The following SUPT20H variants were observed in gnomAD, a reference collection of about 807,000 sequenced individuals.
SUPT20H encodes transcription factor SPT20 homolog.
In SUPT20H, 82 loss-of-function variants were observed where a neutral mutation model predicts 122.8. That is an observed-to-expected ratio of 0.67 (90% CI 0.56 to 0.80). SUPT20H has a LOEUF of 0.80. SUPT20H is among the 30% of genes least tolerant of loss of function. The probability of loss-of-function intolerance (pLI) is 0.00; values close to 1 mark genes in which losing one functional copy is unlikely to be tolerated. For missense variants in SUPT20H, 831 were observed against 921.6 expected, an observed-to-expected ratio of 0.90 and a Z score of 1.27; for synonymous variants, 291 against 313.0, an observed-to-expected ratio of 0.93 and a Z score of 0.74.
rs753757829 is a variant in SUPT20H, at chr13:37,012,319, G to T, written c.1993-22C>A. On this transcript the variant is annotated intron_variant, in intron 23 of 25. Coordinates refer to ENST00000350612, the MANE Select transcript of SUPT20H (RefSeq NM_001014286.3). ...AACCCTGAATAAAAAAATAATAAAT[G>T]ACTTGTACAAGAAAGAAAAACAAAT... 4.4e-6 allele frequency: 7 copies of T among 1,587,996 alleles called. No individual in the cohort carries two copies. The Admixed American group carries it at 8.6e-5, about 20-fold the overall frequency.
intron 19 of SUPT20H, 164 bp downstream of exon 19, chr13:37,023,871 C>T: frequency 1.7e-6 from 1 of 589,396 alleles, no homozygotes; most frequent in South Asian, 3.0e-5. Context: ...AGACATAATA[C>T]ATACAATCAA....
In SUPT20H at chr13:37,048,394, T is replaced by C. The variant is rs112686680; in HGVS notation, c.39+170A>G. ...TATCTTGAGGATTCCAAGTAACAGG[T>C]GATCCAAATATCACCTGGTATTTTT... On this transcript the variant is annotated intron_variant, in intron 3 of 25. Coordinates refer to ENST00000350612, the MANE Select transcript of SUPT20H (RefSeq NM_001014286.3). Among the ~76,000 whole-genome samples, 346 of 151,226 alleles carry C rather than the reference T, an allele frequency of 2.3e-3. 2 individuals carry two copies. The highest frequency in any genetic ancestry group is 7.9e-3 in the African/African-American group (327 of 41,188).
intron 14 of SUPT20H, 81 bp downstream of exon 14, chr13:37,028,067 A>G (rs2062629344): frequency 2.3e-6 from 3 of 1,298,020 alleles, no homozygotes; most frequent in Middle Eastern, 2.5e-4. Flanking sequence ...TTTATTCATT[A>G]ATGGTTCATC....
chr13:37,038,594 A>G (rs2064925238), intron 9 of SUPT20H: 1 of 152,248 alleles, frequency 6.6e-6, no homozygotes, highest in Non-Finnish European at 1.5e-5. Context: ...CACAGAAAGG[A>G]TAACTACCAT....
At chr13:37,016,046 T>C (rs1029732678) in intron 23 of SUPT20H, among the ~76,000 whole-genome samples, 1 of 152,196 alleles carries the variant, frequency 6.6e-6, no homozygotes, top group Non-Finnish European at 1.5e-5. Context: ...AGTTTCAGTT[T>C]TGCAAGATGA....
intron 17 of SUPT20H, 186 bp downstream of exon 17, chr13:37,025,134 G>A: frequency 2.0e-6 from 1 of 504,730 alleles, no homozygotes; most frequent in Non-Finnish European, 3.7e-6. Context: ...TAGAGATGGG[G>A]TTTCACACTA....
chr13:37,039,249 A>G (rs1208922036), intron 9 of SUPT20H: 1 of 152,218 alleles, frequency 6.6e-6, no homozygotes, highest in African/African-American at 2.4e-5. Context: ...AAACCACTGC[A>G]TCCCGATCAG....
At chr13:37,050,288 A>G (rs1039388354) in intron 2 of SUPT20H, among the ~76,000 whole-genome samples, 1 of 139,032 alleles carries the variant, frequency 7.2e-6, no homozygotes, top group Non-Finnish European at 1.5e-5. Context: ...TGGGAGGCCA[A>G]GGTGGGAAAT....
In SUPT20H at chr13:37,024,453, A is replaced by C; in HGVS notation, c.1330-11T>G. On this transcript the variant is annotated splice_polypyrimidine_tract_variant and intron_variant, in intron 17 of 25. Coordinates refer to ENST00000350612, the MANE Select transcript of SUPT20H (RefSeq NM_001014286.3). ...CACGGTTTCAGTTTGCTAAAAGACA[A>C]TGACATTAAGCTTACTTGTTAAAAT... 6.5e-7 allele frequency: 1 copy of C among 1,528,472 alleles called. No homozygotes were observed. The highest frequency in any genetic ancestry group is 8.8e-7 in the Non-Finnish European group (1 of 1,138,514). The allele number at this position is 1,528,472 out of a possible 1,614,324, so 94.7% of individuals were successfully genotyped here.
intron 21 of SUPT20H, 128 bp downstream of exon 21, chr13:37,021,320 A>T (rs1333147666): frequency 9.9e-7 from 1 of 1,007,876 alleles, no homozygotes; most frequent in Non-Finnish European, 1.3e-6. Context: ...TTTTAAGTGA[A>T]ATATATGTGA....
intron 9 of SUPT20H, among the ~76,000 whole-genome samples, chr13:37,037,208 A>AAAG (rs1454313914): frequency 6.6e-6 from 1 of 151,852 alleles, no homozygotes; most frequent in Non-Finnish European, 1.5e-5. Flanking sequence ...AAAAAAAAAA[A>AAAG]AAAATCCAGT....
At chr13:37,024,681 T>C (rs970174632) in intron 17 of SUPT20H, 1 of 267,924 alleles carries the variant, frequency 3.7e-6, no homozygotes, top group African/African-American at 2.2e-5. Context: ...GAGGAAAAGA[T>C]TTCTGAGTAA....
chr13:37,020,438 C>T (rs566363205), intron 21 of SUPT20H, among the ~76,000 whole-genome samples: 1 of 152,048 alleles, frequency 6.6e-6, no homozygotes, highest in Non-Finnish European at 1.5e-5. Flanking sequence ...TATTTTTATT[C>T]CCACTTTAGA....
In SUPT20H at chr13:37,022,681, C is replaced by T; in HGVS notation, c.1592-601G>A. 3.0e-6 allele frequency: 3 copies of T among 999,610 alleles called. No homozygotes were observed. Among genetic ancestry groups the T allele is most frequent in the Non-Finnish European group, 3.6e-6 (3 of 838,078 alleles). 61.9% of individuals were successfully genotyped at this position (999,610 alleles called of 1,614,324 possible). On this transcript the variant is annotated intron_variant, in intron 19 of 25. Coordinates refer to ENST00000350612, the MANE Select transcript of SUPT20H (RefSeq NM_001014286.3). The surrounding 1 kb of genome is among the most constrained non-coding windows in gnomAD (Gnocchi z 4.5). ...TATTTACGATTTCACTAATTCAAGA[C>T]TTCATTTAAAAATATTGCTTATTTA...
intron 9 of SUPT20H, among the ~76,000 whole-genome samples, chr13:37,037,340 A>G (rs1474034511): frequency 2.0e-5 from 3 of 152,210 alleles, no homozygotes; most frequent in African/African-American, 7.2e-5. Context: ...AAGGTCAACT[A>G]TATAGTGTAA....
intron 9 of SUPT20H, among the ~76,000 whole-genome samples, chr13:37,037,839 CTATT>C (rs1163310074): frequency 6.6e-6 from 1 of 152,122 alleles, no homozygotes; most frequent in African/African-American, 2.4e-5. Flanking sequence ...ATAACTAAGG[CTATT>C]TTTTTTAAAA....
At chr13:37,011,516 A>G (rs1051567765) in intron 24 of SUPT20H, among the ~76,000 whole-genome samples, 1 of 152,100 alleles carries the variant, frequency 6.6e-6, no homozygotes, top group Non-Finnish European at 1.5e-5. Flanking sequence ...CACTCATTCA[A>G]TCCTCAAACT....
At chr13:37,051,743 T>G (rs374237207) in intron 1 of SUPT20H, 160 bp from the exon 2 acceptor site, 19 of 385,928 alleles carry the variant, frequency 4.9e-5, no homozygotes, top group East Asian at 1.2e-4. Context: ...ATAAAATTCA[T>G]GTACCACAAC....
chr13:37,036,304 T>C (rs1415264128), intron 9 of SUPT20H, among the ~76,000 whole-genome samples: 2 of 149,256 alleles, frequency 1.3e-5, no homozygotes, highest in African/African-American at 4.9e-5. Flanking sequence ...GGATTTGAAC[T>C]ATGCAGGTCC....
Sources: gnomAD v4.1 joint callset for allele counts (sites outside exome capture counted in the v4.1 genomes callset) on GRCh38, gnomAD v4.1.1 for gene constraint, Gnocchi (gnomAD v3.1) non-coding constraint, MANE v1.5 for transcripts, NCBI Gene and HGNC (gene_info 2026-07-23, HGNC 2026-07-21) for gene names.